PTPRT: variants seen among roughly 807,000 people sequenced by gnomAD.
The protein encoded by PTPRT is receptor-type tyrosine-protein phosphatase T.
In PTPRT, 56 loss-of-function variants were observed where a neutral mutation model predicts 176.8. That is an observed-to-expected ratio of 0.32 (90% CI 0.26 to 0.40). The LOEUF is 0.40. PTPRT is among the 10% of genes least tolerant of loss of function. The pLI is 1.00. For synonymous variants in PTPRT, 783 were observed against 739.0 expected, an observed-to-expected ratio of 1.06 and a Z score of -0.96; for missense variants, 1,540 against 1,908.2, an observed-to-expected ratio of 0.81 and a Z score of 3.60.
chr20:42,429,759 T>C (rs996111551), intron 9 of PTPRT, among the ~76,000 whole-genome samples: 1 of 152,192 alleles, frequency 6.6e-6, no homozygotes, highest in African/African-American at 2.4e-5. Flanking sequence ...AATTCTATTA[T>C]AAACTAACAA....
At chr20:42,452,306 G>C (rs1233189039) in intron 8 of PTPRT, among the ~76,000 whole-genome samples, 1 of 151,738 alleles carries the variant, frequency 6.6e-6, no homozygotes. Flanking sequence ...AAGAAGAAGA[G>C]TGAGAAAGAA....
At chr20:42,775,040 C>T (rs1425813389) in intron 4 of PTPRT, among the ~76,000 whole-genome samples, 1 of 152,196 alleles carries the variant, frequency 6.6e-6, no homozygotes, top group East Asian at 1.9e-4. Flanking sequence ...AATCACTCAT[C>T]TTCAGCCAAA....
intron 1 of PTPRT, among the ~76,000 whole-genome samples, chr20:42,981,200 G>A (rs1261266474): frequency 1.3e-5 from 2 of 152,196 alleles, no homozygotes; most frequent in Non-Finnish European, 2.9e-5. Context: ...TACTTAGGCA[G>A]TTCCAACTGT....
chr20:43,000,482 GA>G (rs1252600082), intron 1 of PTPRT, among the ~76,000 whole-genome samples: 4 of 151,776 alleles, frequency 2.6e-5, no homozygotes, highest in South Asian at 2.1e-4. Flanking sequence ...CAAAGAAATT[GA>G]AAAAAACCAC....
At chr20:43,059,432 A>G (rs1600681647) in intron 1 of PTPRT, among the ~76,000 whole-genome samples, 3 of 152,146 alleles carry the variant, frequency 2.0e-5, no homozygotes. Context: ...CACAAGTTTT[A>G]CCTTCCACAA....
intron 1 of PTPRT, among the ~76,000 whole-genome samples, chr20:42,903,103 A>C (rs1369895753): frequency 6.6e-6 from 1 of 152,232 alleles, no homozygotes. Context: ...TTAGGCATGC[A>C]ATAAACATGT....
At chr20:42,341,177 C>T (rs906175090) in intron 11 of PTPRT, among the ~76,000 whole-genome samples, 1 of 152,124 alleles carries the variant, frequency 6.6e-6, no homozygotes, top group Non-Finnish European at 1.5e-5. Context: ...CTACACTCTC[C>T]CTGCTTTGTA....
intron 9 of PTPRT, among the ~76,000 whole-genome samples, chr20:42,443,836 C>T (rs563857888): frequency 3.9e-4 from 59 of 152,336 alleles, no homozygotes; most frequent in Non-Finnish European, 7.1e-4. Context: ...ACTTTCACAT[C>T]TTCTGCTCAG....
chr20:42,373,395 G>A (rs1487858206), intron 9 of PTPRT, among the ~76,000 whole-genome samples: 2 of 152,172 alleles, frequency 1.3e-5, no homozygotes, highest in Admixed American at 1.3e-4. Flanking sequence ...AGAAGCTTGT[G>A]CTTTCTAAAT....
intron 7 of PTPRT, among the ~76,000 whole-genome samples, chr20:42,490,738 A>AATGGTG (rs1478790081): frequency 1.3e-4 from 20 of 152,210 alleles, no homozygotes; most frequent in Non-Finnish European, 2.4e-4. Context: ...GTTAAATAGC[A>AATGGTG]ATGGTGGCTC....
intron 2 of PTPRT, among the ~76,000 whole-genome samples, chr20:42,807,072 G>C (rs1225829553): frequency 1.3e-5 from 2 of 152,326 alleles, no homozygotes; most frequent in East Asian, 3.9e-4. Context: ...TCAGCCTTGA[G>C]CAGGATGTGA....
intron 4 of PTPRT, among the ~76,000 whole-genome samples, chr20:42,773,836 C>T (rs1259224428): frequency 6.6e-6 from 1 of 152,190 alleles, no homozygotes; most frequent in Non-Finnish European, 1.5e-5. Flanking sequence ...AGCTCCAATG[C>T]TGGGAAACTC....
At chr20:42,862,454 T>C (rs985679523) in intron 2 of PTPRT, among the ~76,000 whole-genome samples, 1 of 152,180 alleles carries the variant, frequency 6.6e-6, no homozygotes, top group African/African-American at 2.4e-5. Flanking sequence ...ATTGGGTCTA[T>C]TGTGTGTCCT....
intron 7 of PTPRT, among the ~76,000 whole-genome samples, chr20:42,638,669 T>G (rs761525452): frequency 2.0e-4 from 31 of 152,166 alleles, no homozygotes; most frequent in Non-Finnish European, 2.4e-4. Context: ...AAGCCACAAG[T>G]GACAGAATGG....
chr20:42,721,113 AC>A (rs1296007329), intron 6 of PTPRT, among the ~76,000 whole-genome samples: 31 of 152,366 alleles, frequency 2.0e-4, no homozygotes, highest in African/African-American at 7.2e-4. Flanking sequence ...AGCAGCATGA[AC>A]AAAAAGCAGG....
rs2057715214 is a variant in PTPRT at position 42,315,961 on chromosome 20, T to G, written c.1901A>C (p.Gln634Pro). The change falls in exon 12 of 31, where the codon CAG becomes CCG. Residue 634 changes from glutamine (Q) to proline (P), a missense_variant. By Grantham distance (76) the Gln-to-Pro change is moderately conservative. Coordinates refer to ENST00000373187, the MANE Select transcript of PTPRT (RefSeq NM_007050.6). ...AATGTCAGCTGCCCTCCGTGACTTC[T>G]GAAGTCGCTCCTCCTTGACAACCAG... ...YQLVVKEERLQKSRRAADIIE... is the reference protein window; with the variant it reads ...YQLVVKEERLPKSRRAADIIE... 6.2e-7 allele frequency: 1 copy of G among 1,614,110 alleles called. No homozygotes were observed. Among genetic ancestry groups the G allele is most frequent in the Admixed American group, 1.7e-5 (1 of 60,024 alleles).
intron 15 of PTPRT, among the ~76,000 whole-genome samples, chr20:42,204,299 GA>G (rs11476363): frequency 0.22 from 32,966 of 149,210 alleles, 4,086 homozygotes; most frequent in African/African-American, 0.32. Flanking sequence ...TGTTGAAGAA[GA>G]AAAAAAAAAT....
intron 1 of PTPRT, among the ~76,000 whole-genome samples, chr20:43,031,961 A>T (rs1007837198): frequency 6.6e-6 from 1 of 152,150 alleles, no homozygotes; most frequent in Non-Finnish European, 1.5e-5. Flanking sequence ...TCAAGGCAGA[A>T]CTTGGCTTGG....
At chr20:42,310,939 A>G (rs28660564) in intron 12 of PTPRT, among the ~76,000 whole-genome samples, 8,636 of 152,262 alleles carry the variant, frequency 0.057, 290 homozygotes, top group Middle Eastern at 0.099. Flanking sequence ...CATATCTTAT[A>G]GTGCATGCCA....
Sources: gnomAD v4.1 joint callset for allele counts (sites outside exome capture counted in the v4.1 genomes callset) on GRCh38, gnomAD v4.1.1 for gene constraint, MANE v1.5 for transcripts, NCBI Gene and HGNC (gene_info 2026-07-23, HGNC 2026-07-21) for gene names.